The following EYS variants were observed in gnomAD, a reference collection of about 807,000 sequenced individuals.
EYS encodes the protein protein eyes shut homolog.
Under a neutral mutation model 282.1 loss-of-function variants are expected in EYS, and 250 were observed. That is an observed-to-expected ratio of 0.89 (90% CI 0.80 to 0.98). EYS has a LOEUF of 0.98. Among genes scored for constraint, EYS ranks in the 50% least tolerant of loss-of-function variants. The probability of loss-of-function intolerance (pLI) is 0.00; values close to 1 mark genes in which losing one functional copy is unlikely to be tolerated. For synonymous variants in EYS, 1,355 were observed against 1,282.9 expected, an observed-to-expected ratio of 1.06 and a Z score of -1.20; for missense variants, 4,016 against 3,709.0, an observed-to-expected ratio of 1.08 and a Z score of -2.15.
chr6:65,680,754 TG>T (rs1768785273), intron 1 of EYS, among the ~76,000 whole-genome samples: 2 of 151,976 alleles, frequency 1.3e-5, no homozygotes, highest in South Asian at 4.1e-4. Flanking sequence ...AGAGGAGATG[TG>T]GGGATTCCTC....
At chr6:64,158,240 CTCTT>C (rs1422882162) in intron 31 of EYS, among the ~76,000 whole-genome samples, 1 of 152,134 alleles carries the variant, frequency 6.6e-6, no homozygotes, top group African/African-American at 2.4e-5. Context: ...GTATTTTTGT[CTCTT>C]ATTCACTGAA....
intron 31 of EYS, among the ~76,000 whole-genome samples, chr6:64,108,286 G>A (rs922375616): frequency 3.9e-5 from 6 of 152,048 alleles, no homozygotes; most frequent in Non-Finnish European, 8.8e-5. Context: ...CCTGGGACTG[G>A]TTCTCACGGA....
chr6:64,300,808 C>T (rs1210452759), intron 30 of EYS, among the ~76,000 whole-genome samples: 1 of 152,132 alleles, frequency 6.6e-6, no homozygotes, highest in African/African-American at 2.4e-5. Flanking sequence ...ATTAGCAGAA[C>T]AGGACAGAGA....
chr6:64,175,970 T>G (rs2150309389), intron 31 of EYS, among the ~76,000 whole-genome samples: 1 of 152,270 alleles, frequency 6.6e-6, no homozygotes, highest in African/African-American at 2.4e-5. Flanking sequence ...AGATAAGTGC[T>G]ATGGGAACAA....
intron 26 of EYS, among the ~76,000 whole-genome samples, chr6:64,524,488 C>T (rs1471553940): frequency 6.6e-6 from 1 of 151,816 alleles, no homozygotes; most frequent in Non-Finnish European, 1.5e-5. Flanking sequence ...AATTAGATCC[C>T]ATTTGTCAAT....
At chr6:64,870,549 G>A (rs1450844040) in intron 19 of EYS, among the ~76,000 whole-genome samples, 3 of 151,386 alleles carry the variant, frequency 2.0e-5, no homozygotes, top group African/African-American at 4.8e-5. Context: ...AAGGAAACAG[G>A]AAAAGATGGC....
intron 1 of EYS, among the ~76,000 whole-genome samples, chr6:65,657,909 A>T (rs941559649): frequency 1.3e-5 from 2 of 151,826 alleles, no homozygotes; most frequent in African/African-American, 4.8e-5. Flanking sequence ...ACCTTCCTTC[A>T]TCAGTCAGCA....
intron 12 of EYS, among the ~76,000 whole-genome samples, chr6:65,091,787 C>T (rs1444374251): frequency 6.6e-6 from 1 of 152,046 alleles, no homozygotes; most frequent in Non-Finnish European, 1.5e-5. Context: ...TACATAATTA[C>T]ATTTATGTAG....
intron 2 of EYS, among the ~76,000 whole-genome samples, chr6:65,635,804 C>G (rs1244523576): frequency 6.6e-6 from 1 of 152,096 alleles, no homozygotes; most frequent in Non-Finnish European, 1.5e-5. Context: ...GACACCTGGA[C>G]CTGATTGCTC....
At chr6:64,110,716 G>T (rs1274069294) in intron 31 of EYS, among the ~76,000 whole-genome samples, 1 of 151,994 alleles carries the variant, frequency 6.6e-6, no homozygotes, top group African/African-American at 2.4e-5. Flanking sequence ...AGATAAAGAA[G>T]AAAATGAGGT....
At chr6:64,807,220 CT>C (rs1225662114) in intron 22 of EYS, among the ~76,000 whole-genome samples, 1 of 151,988 alleles carries the variant, frequency 6.6e-6, no homozygotes, top group African/African-American at 2.4e-5. Flanking sequence ...TATTTCTTCT[CT>C]TTTTACCATA....
At chr6:64,657,249 T>C (rs1471466199) in intron 22 of EYS, among the ~76,000 whole-genome samples, 1 of 152,180 alleles carries the variant, frequency 6.6e-6, no homozygotes, top group Admixed American at 6.6e-5. Flanking sequence ...TATGTGTGTC[T>C]CTGCACATGA....
rs867333920 is a variant in EYS at position 65,501,356 on chromosome 6, C to T, written c.-332-5363G>A. ...ATTAAAATGAGAATGTAAATGATTACATTGAGGTTTCATTATTCAACTCTT... is the reference window on the plus strand; with the variant it reads ...ATTAAAATGAGAATGTAAATGATTATATTGAGGTTTCATTATTCAACTCTT... On this transcript the variant is annotated intron_variant, in intron 2 of 42. Transcript: ENST00000503581. 5.9e-5 allele frequency among the ~76,000 whole-genome samples: 9 copies of T among 151,962 alleles called. No individual in the cohort carries two copies. In the South Asian group the frequency reaches 1.9e-3, roughly 31 times the overall value.
At chr6:65,104,909 A>T (rs1004446562) in intron 12 of EYS, among the ~76,000 whole-genome samples, 1 of 151,666 alleles carries the variant, frequency 6.6e-6, no homozygotes, top group Non-Finnish European at 1.5e-5. Context: ...TCAATGCCAC[A>T]TTTAATGAAA....
intron 26 of EYS, among the ~76,000 whole-genome samples, chr6:64,525,508 C>G (rs555278457): frequency 6.6e-6 from 1 of 151,480 alleles, no homozygotes; most frequent in Admixed American, 6.6e-5. Context: ...GCAATAGACA[C>G]TGGGGACTAC....
chr6:64,814,115 T>C (rs772684708), intron 21 of EYS, among the ~76,000 whole-genome samples: 2 of 152,084 alleles, frequency 1.3e-5, no homozygotes, highest in Non-Finnish European at 2.9e-5. Flanking sequence ...AATCCAATCA[T>C]AATCTTTTAA....
At chr6:64,124,186 C>T (rs745540770) in intron 31 of EYS, among the ~76,000 whole-genome samples, 1 of 152,146 alleles carries the variant, frequency 6.6e-6, no homozygotes, top group South Asian at 2.1e-4. Flanking sequence ...AGCAAAGATT[C>T]ACTTTGTTTT....
At chr6:64,974,854 C>T (rs139121248) in intron 14 of EYS, among the ~76,000 whole-genome samples, 1 of 151,796 alleles carries the variant, frequency 6.6e-6, no homozygotes, top group Middle Eastern at 3.4e-3. Flanking sequence ...AGAGTAATGA[C>T]AGTTTTATGG....
At chr6:64,453,872 G>A (rs1775457758) in intron 26 of EYS, among the ~76,000 whole-genome samples, 1 of 152,080 alleles carries the variant, frequency 6.6e-6, no homozygotes, top group Non-Finnish European at 1.5e-5. Context: ...TGGGGGGAGT[G>A]GGGAGGGATA....
Sources: gnomAD v4.1 joint callset for allele counts (sites outside exome capture counted in the v4.1 genomes callset) on GRCh38, gnomAD v4.1.1 for gene constraint, MANE v1.5 for transcripts, NCBI Gene and HGNC (gene_info 2026-07-23, HGNC 2026-07-21) for gene names.